The following CDH18 variants were observed in gnomAD, a reference collection of about 807,000 sequenced individuals.
CDH18 encodes the protein cadherin 18.
A neutral mutation model predicts 67.9 loss-of-function variants in CDH18; 31 were observed. The ratio of observed to expected loss-of-function variants is 0.46; its 90% CI spans 0.34 to 0.62. The LOEUF (loss-of-function observed/expected upper bound fraction) is 0.62. CDH18 is among the 20% of genes least tolerant of loss of function. The pLI, the probability that CDH18 is intolerant of heterozygous loss-of-function variation, is 0.01. For synonymous variants in CDH18, 362 were observed against 347.2 expected (o/e 1.04, Z -0.48); for missense variants, 890 against 975.5 (o/e 0.91, Z 1.17).
chr5:20,123,572 C>T (rs577783772), intron 2 of CDH18, among the ~76,000 whole-genome samples: 72 of 152,210 alleles, frequency 4.7e-4, no homozygotes, highest in African/African-American at 1.6e-3. Flanking sequence ...GACAATTGCA[C>T]GAAACGTTCC....
chr5:19,984,576 T>C (rs1315835462), intron 1 of CDH18, among the ~76,000 whole-genome samples: 1 of 152,224 alleles, frequency 6.6e-6, no homozygotes, highest in Non-Finnish European at 1.5e-5. Flanking sequence ...AGACTCAGCA[T>C]GCTTAATCCA....
At chr5:19,676,468 T>C (rs1033957090) in intron 5 of CDH18, among the ~76,000 whole-genome samples, 2 of 151,936 alleles carry the variant, frequency 1.3e-5, no homozygotes, top group East Asian at 1.9e-4. Context: ...AATTATCACA[T>C]TGCCTCTCTA....
At chr5:19,688,867 C>A (rs935883735) in intron 5 of CDH18, among the ~76,000 whole-genome samples, 5 of 151,698 alleles carry the variant, frequency 3.3e-5, no homozygotes, top group Admixed American at 2.0e-4. Flanking sequence ...ATAGAAATCC[C>A]AGAAATGAAG....
In CDH18 at chr5:19,571,849, T is replaced by A. The variant is rs1274529061; in HGVS notation, c.1000-17A>T. On this transcript the variant is annotated splice_polypyrimidine_tract_variant and intron_variant, in intron 7 of 12. Coordinates refer to ENST00000382275, the MANE Select transcript of CDH18 (RefSeq NM_004934.5). ...GTTCAGTGGCTGTGGGGAAAAAAAA[T>A]AAGATTATGACTTTTATAAAAAAAG... 3 of 1,589,844 alleles carry A rather than the reference T, an allele frequency of 1.9e-6. No homozygotes were observed. Among genetic ancestry groups the A allele is most frequent in the South Asian group, 2.3e-5 (2 of 88,738 alleles).
chr5:19,836,515 G>T (rs2150014944), intron 3 of CDH18, among the ~76,000 whole-genome samples: 1 of 152,194 alleles, frequency 6.6e-6, no homozygotes, highest in East Asian at 1.9e-4. Flanking sequence ...TGAAGGGGGT[G>T]TTTGTTTTTT....
At chr5:19,552,892 C>T (rs1580168774) in intron 8 of CDH18, among the ~76,000 whole-genome samples, 1 of 152,136 alleles carries the variant, frequency 6.6e-6, no homozygotes, top group East Asian at 1.9e-4. Context: ...CTACACCACT[C>T]TTTGTTCTAT....
chr5:19,912,925 T>G (rs924085474), intron 2 of CDH18, among the ~76,000 whole-genome samples: 117 of 152,240 alleles, frequency 7.7e-4, no homozygotes, highest in East Asian at 5.8e-4. Context: ...TCAAGTGTCT[T>G]GAATGCCAGC....
intron 5 of CDH18, among the ~76,000 whole-genome samples, chr5:19,687,126 G>C (rs751993378): frequency 3.9e-5 from 6 of 152,170 alleles, no homozygotes; most frequent in Non-Finnish European, 8.8e-5. Context: ...GCTCCCCACT[G>C]TGTGGAGCAG....
chr5:19,795,618 T>C (rs1419636027), intron 3 of CDH18, among the ~76,000 whole-genome samples: 1 of 152,126 alleles, frequency 6.6e-6, no homozygotes, highest in African/African-American at 2.4e-5. Context: ...AAATAGACTT[T>C]AACAAGACTA....
chr5:20,307,547 A>G (rs1318576313), intron 1 of CDH18, among the ~76,000 whole-genome samples: 3 of 152,228 alleles, frequency 2.0e-5, no homozygotes, highest in Non-Finnish European at 4.4e-5. Context: ...CATGTTAAAA[A>G]GAAGAAGCAG....
intron 2 of CDH18, among the ~76,000 whole-genome samples, chr5:19,976,597 T>C (rs187901278): frequency 5.9e-5 from 9 of 152,108 alleles, no homozygotes; most frequent in African/African-American, 1.9e-4. Context: ...ATAAGGTAGA[T>C]GGTCTCTGAA....
rs1580646255 is a variant in CDH18 at position 19,639,341 on chromosome 5, T to C, written c.644-26740A>G. Among the ~76,000 whole-genome samples the C allele has an allele frequency of 2.6e-5, 4 of 152,074 alleles. No individual in the cohort carries two copies. The South Asian group carries it at 8.3e-4, about 32-fold the overall frequency. Reference sequence around the variant, plus strand: ...TTAACATAGTAAGGAAGTGCGAAGATGGCTAGAAACAAAGAGGAAGAGTAG... The same window carrying C: ...TTAACATAGTAAGGAAGTGCGAAGACGGCTAGAAACAAAGAGGAAGAGTAG... On this transcript the variant is annotated intron_variant, in intron 5 of 12. Coordinates refer to ENST00000382275, the MANE Select transcript of CDH18 (RefSeq NM_004934.5).
intron 3 of CDH18, among the ~76,000 whole-genome samples, chr5:19,815,094 T>TA (rs1779145069): frequency 6.6e-6 from 1 of 152,052 alleles, no homozygotes; most frequent in African/African-American, 2.4e-5. Context: ...CTGATTTATT[T>TA]AAAAAACTCC....
chr5:20,397,776 A>G (rs1406398877), intron 1 of CDH18, among the ~76,000 whole-genome samples: 1 of 152,202 alleles, frequency 6.6e-6, no homozygotes, highest in Non-Finnish European at 1.5e-5. Context: ...TAACCAACAT[A>G]AAAAACTATT....
intron 2 of CDH18, among the ~76,000 whole-genome samples, chr5:19,880,920 G>A (rs896550805): frequency 2.0e-5 from 3 of 152,046 alleles, no homozygotes; most frequent in Non-Finnish European, 2.9e-5. Context: ...AATTCTTATT[G>A]ACTCTGTTGG....
intron 3 of CDH18, among the ~76,000 whole-genome samples, chr5:19,789,875 G>T (rs1248585248): frequency 6.6e-6 from 1 of 151,626 alleles, no homozygotes; most frequent in Non-Finnish European, 1.5e-5. Context: ...TGAATATACA[G>T]TATATAATAC....
At chr5:20,418,016 C>G (rs183377499) in intron 1 of CDH18, among the ~76,000 whole-genome samples, 2 of 152,140 alleles carry the variant, frequency 1.3e-5, no homozygotes, top group South Asian at 4.1e-4. Context: ...AAATGAGGAA[C>G]GGGGAAGTTG....
At chr5:20,453,801 A>G (rs1046192641) in intron 1 of CDH18, among the ~76,000 whole-genome samples, 6 of 152,032 alleles carry the variant, frequency 3.9e-5, no homozygotes, top group Non-Finnish European at 5.9e-5. Flanking sequence ...TCAAACCTAA[A>G]CTTACTCAAT....
At chr5:19,655,759 A>G (rs1756273773) in intron 5 of CDH18, among the ~76,000 whole-genome samples, 1 of 152,002 alleles carries the variant, frequency 6.6e-6, no homozygotes, top group South Asian at 2.1e-4. Flanking sequence ...CCAGAGCTAC[A>G]CTCTGTGATT....
Sources: allele counts gnomAD v4.1 joint callset (sites outside exome capture counted in the v4.1 genomes callset), GRCh38; gene constraint gnomAD v4.1.1; transcripts MANE v1.5; gene names NCBI Gene and HGNC (gene_info 2026-07-23, HGNC 2026-07-21).